The following TRPC4 variants were observed in gnomAD, a reference collection of about 807,000 sequenced individuals.
TRPC4 encodes the protein transient receptor potential cation channel subfamily C member 4.
In TRPC4, 49 loss-of-function variants were observed where a neutral mutation model predicts 99.4. The ratio of observed to expected loss-of-function variants is 0.49; its 90% CI spans 0.39 to 0.63. The LOEUF is 0.63. TRPC4 is among the 20% of genes least tolerant of loss of function. The probability of loss-of-function intolerance (pLI) is 0.00; values close to 1 mark genes in which losing one functional copy is unlikely to be tolerated. For missense variants in TRPC4, 898 were observed against 1,152.9 expected (o/e 0.78, Z 3.20); for synonymous variants, 454 against 425.9 (o/e 1.07, Z -0.81).
chr13:37,709,822 T>C (rs375492866), intron 3 of TRPC4, among the ~76,000 whole-genome samples: 4 of 152,030 alleles, frequency 2.6e-5, no homozygotes, highest in African/African-American at 9.7e-5. Flanking sequence ...CCATTCAGAA[T>C]TTCTGGTACA....
Position 37,767,376 on chromosome 13 carries a change from G to T in TRPC4, c.378+15580C>A, listed in dbSNP as rs1956406700. On this transcript the variant is annotated intron_variant, in intron 2 of 10. Transcript: ENST00000379705. ...TATATCTATATATACACAGATATCTGTATTTTGTAGAGAAAATTGGGAGCA... is the reference window on the plus strand; with the variant it reads ...TATATCTATATATACACAGATATCTTTATTTTGTAGAGAAAATTGGGAGCA... 2.0e-5 allele frequency among the ~76,000 whole-genome samples: 3 copies of T among 150,910 alleles called. No individual in the cohort carries two copies. The Admixed American group carries it at 2.0e-4, about 10-fold the overall frequency.
intron 4 of TRPC4, 125 bp downstream of exon 4, chr13:37,691,874 A>G (rs1953724754): frequency 2.2e-6 from 2 of 925,072 alleles, no homozygotes; most frequent in East Asian, 2.6e-5. Context: ...AGGTTCTTGG[A>G]GCTACAATAG....
At chr13:37,839,451 A>T (rs1012627250) in intron 1 of TRPC4, among the ~76,000 whole-genome samples, 1 of 152,196 alleles carries the variant, frequency 6.6e-6, no homozygotes, top group Non-Finnish European at 1.5e-5. Context: ...ATTAAAGAGA[A>T]CATGATATCA....
At chr13:37,778,560 C>T (rs1472024755) in intron 2 of TRPC4, among the ~76,000 whole-genome samples, 1 of 151,846 alleles carries the variant, frequency 6.6e-6, no homozygotes, top group African/African-American at 2.4e-5. Context: ...CTTTCCTGTC[C>T]CTCCTTTGTA....
At chr13:37,672,232 A>G (rs375322933) in intron 5 of TRPC4, among the ~76,000 whole-genome samples, 2 of 152,350 alleles carry the variant, frequency 1.3e-5, no homozygotes, top group East Asian at 1.9e-4. Context: ...GAAAAAATAC[A>G]TGTACTATAC....
chr13:37,676,340 T>G (rs1953049108), intron 4 of TRPC4, among the ~76,000 whole-genome samples: 1 of 148,806 alleles, frequency 6.7e-6, no homozygotes, highest in Non-Finnish European at 1.5e-5. Context: ...AGCAAACTTC[T>G]GGGTGTAAAA....
chr13:37,796,828 C>T (rs9532119), intron 1 of TRPC4, among the ~76,000 whole-genome samples: 48,619 of 151,202 alleles, frequency 0.32, 8,853 homozygotes, highest in Admixed American at 0.52. Context: ...GTCAGTGGCT[C>T]ATGCCTGTAA....
At chr13:37,827,142 C>A (rs1958252667) in intron 1 of TRPC4, among the ~76,000 whole-genome samples, 1 of 152,194 alleles carries the variant, frequency 6.6e-6, no homozygotes, top group South Asian at 2.1e-4. Context: ...TTAAACACTT[C>A]TCTGTATTGG....
intron 2 of TRPC4, among the ~76,000 whole-genome samples, chr13:37,757,715 C>A (rs1956130496): frequency 6.6e-6 from 1 of 151,578 alleles, no homozygotes; most frequent in African/African-American, 2.4e-5. Flanking sequence ...TCCAGAAGAT[C>A]TAAAATGTAA....
intron 1 of TRPC4, among the ~76,000 whole-genome samples, chr13:37,784,495 C>T (rs1556542): frequency 0.039 from 5,987 of 152,036 alleles, 280 homozygotes; most frequent in East Asian, 0.12. Flanking sequence ...TTCTTTGTTG[C>T]TGTTAGTTCC....
chr13:37,752,315 G>T (rs145832716), intron 2 of TRPC4, among the ~76,000 whole-genome samples: 27 of 151,806 alleles, frequency 1.8e-4, no homozygotes, highest in African/African-American at 6.0e-4. Context: ...ACATTCGGCT[G>T]CCATTCTTTT....
intron 1 of TRPC4, among the ~76,000 whole-genome samples, chr13:37,810,233 C>T (rs1172545752): frequency 1.3e-5 from 2 of 152,014 alleles, no homozygotes; most frequent in Non-Finnish European, 2.9e-5. Context: ...GCTTTAAAAA[C>T]ATTTCATAAA....
At chr13:37,843,628 T>C (rs943755480) in intron 1 of TRPC4, among the ~76,000 whole-genome samples, 2 of 152,082 alleles carry the variant, frequency 1.3e-5, no homozygotes, top group African/African-American at 4.8e-5. Flanking sequence ...ATTTCAGTCC[T>C]GAGGGTGTCC....
At chr13:37,762,111 T>C (rs966983164) in intron 2 of TRPC4, among the ~76,000 whole-genome samples, 3 of 151,784 alleles carry the variant, frequency 2.0e-5, no homozygotes, top group Admixed American at 6.6e-5. Flanking sequence ...AACTTGAGGG[T>C]TATTATCACT....
At chr13:37,759,611 C>T (rs1362741889) in intron 2 of TRPC4, among the ~76,000 whole-genome samples, 1 of 151,310 alleles carries the variant, frequency 6.6e-6, no homozygotes, top group African/African-American at 2.4e-5. Context: ...ATCAAAGGGC[C>T]AGAAATATAA....
intron 2 of TRPC4, among the ~76,000 whole-genome samples, chr13:37,767,358 A>C (rs1434625678): frequency 3.3e-5 from 5 of 151,172 alleles, no homozygotes; most frequent in African/African-American, 1.2e-4. Flanking sequence ...ATATATATCT[A>C]TATATACACA....
intron 1 of TRPC4, among the ~76,000 whole-genome samples, chr13:37,833,890 C>G (rs1041204651): frequency 6.6e-6 from 1 of 152,084 alleles, no homozygotes; most frequent in East Asian, 1.9e-4. Flanking sequence ...TGTATTTTAG[C>G]TAAGAAGAGT....
intron 3 of TRPC4, among the ~76,000 whole-genome samples, chr13:37,742,945 C>T (rs1412789892): frequency 6.6e-6 from 1 of 151,884 alleles, no homozygotes; most frequent in Non-Finnish European, 1.5e-5. Flanking sequence ...ATCAGTTATC[C>T]AATGTTATTT....
intron 4 of TRPC4, among the ~76,000 whole-genome samples, chr13:37,688,727 C>T (rs184284383): frequency 2.2e-4 from 34 of 152,208 alleles, no homozygotes; most frequent in Non-Finnish European, 4.7e-4. Context: ...AAGCAGCTCA[C>T]AGAGGTGATC....
Sources: allele counts gnomAD v4.1 joint callset (sites outside exome capture counted in the v4.1 genomes callset), GRCh38; gene constraint gnomAD v4.1.1; transcripts MANE v1.5; gene names NCBI Gene and HGNC (gene_info 2026-07-23, HGNC 2026-07-21).